Variants in ADAMTS10 observed in about 807,000 individuals in gnomAD.
ADAMTS10 encodes the protein ADAM metallopeptidase with thrombospondin type 1 motif 10, also known as A disintegrin and metalloproteinase with thrombospondin motifs 10.
A neutral mutation model predicts 135.9 loss-of-function variants in ADAMTS10; 48 were observed. That is an observed-to-expected ratio of 0.35 (90% CI 0.28 to 0.45). ADAMTS10 has a LOEUF of 0.45. ADAMTS10 is among the 20% of genes least tolerant of loss of function. The pLI is 1.00. For synonymous variants in ADAMTS10, 621 were observed against 647.5 expected, an observed-to-expected ratio of 0.96 and a Z score of 0.62; for missense variants, 1,131 against 1,565.2, an observed-to-expected ratio of 0.72 and a Z score of 4.68.
chr19:8,594,745 A>T (rs2042582698), intron 12 of ADAMTS10, among the ~76,000 whole-genome samples: 1 of 152,236 alleles, frequency 6.6e-6, no homozygotes, highest in Admixed American at 6.6e-5. Flanking sequence ...GCACATGCTT[A>T]GCCCATAGTG....
chr19:8,600,584 T>C lies in ADAMTS10; in HGVS notation c.810+344A>G, dbSNP rs182807049. Among the ~76,000 whole-genome samples, 1,267 of 150,666 alleles carry C rather than the reference T, an allele frequency of 8.4e-3. 18 individuals are homozygous for C. The highest frequency in any genetic ancestry group is 0.028 in the African/African-American group (1,148 of 41,036). On this transcript the variant is annotated intron_variant, in intron 6 of 25. Transcript: ENST00000597188. Reference sequence around the variant, plus strand: ...CGTGATCTTGGCTCACTGCAAGCTCTGCCTCCCAGGTTCACGCCATTCTCC... The same window carrying C: ...CGTGATCTTGGCTCACTGCAAGCTCCGCCTCCCAGGTTCACGCCATTCTCC...
chr19:8,600,646 C>G (rs1164467484), intron 6 of ADAMTS10, among the ~76,000 whole-genome samples: 1 of 151,802 alleles, frequency 6.6e-6, no homozygotes, highest in African/African-American at 2.4e-5. Context: ...CTACAGGCGC[C>G]CGCCACCACA....
chr19:8,589,323 C>T lies in ADAMTS10; in HGVS notation c.2077G>A (p.Asp693Asn). The T allele has an allele frequency of 6.2e-7, 1 of 1,612,598 alleles. No homozygotes were observed. Among genetic ancestry groups the T allele is most frequent in the South Asian group, 1.1e-5 (1 of 91,078 alleles). ...TCACCGCCACACACTCGGCACTTGTCCTCCCGCAGGTCGGAGCCCAGGACT... is the reference window on the plus strand; with the variant it reads ...TCACCGCCACACACTCGGCACTTGTTCTCCCGCAGGTCGGAGCCCAGGACT... The part of the protein sequence containing the change: ...DRVLGSDLRE[D>N]KCRVCGGDGS... Residue 693 changes from aspartate to asparagine, a missense_variant, in exon 18 of 26, where the codon GAC (aspartate) becomes AAC (asparagine). Asp to Asn is a conservative substitution (Grantham distance 23). Transcript: ENST00000597188.
intron 12 of ADAMTS10, 95 bp downstream of exon 12, chr19:8,595,667 C>G (rs542877031): frequency 3.8e-5 from 58 of 1,535,792 alleles, no homozygotes; most frequent in Admixed American, 3.4e-5. Context: ...CTCCCACCCC[C>G]TCACTTCCCA....
chr19:8,596,405 G>A lies in ADAMTS10; in HGVS notation c.1092C>T (p.Ala364=), dbSNP rs782379307. ...KNKPCGTLGL[A]PVGGMCERER... Reference sequence around the variant, plus strand: ...CGCGCTCACACATTCCGCCCACCGGGGCCAGGCCTGGGAAGACGGACATGT... The same window carrying A: ...CGCGCTCACACATTCCGCCCACCGGAGCCAGGCCTGGGAAGACGGACATGT... The change falls in exon 10 of 26, where the codon GCC becomes GCT. Residue 364 remains alanine (A), a synonymous_variant. Transcript: ENST00000597188. This position sits in a 1 kb window ranked among gnomAD's most constrained non-coding sequence, Gnocchi z 7.2. 1.2e-6 allele frequency: 2 copies of A among 1,613,606 alleles called. No homozygotes were observed. The highest frequency in any genetic ancestry group is 2.2e-5 in the South Asian group (2 of 91,032).
intron 25 of ADAMTS10, 90 bp from the exon 26 acceptor site, chr19:8,581,092 T>C (rs2042340024): frequency 1.6e-6 from 1 of 614,318 alleles, no homozygotes; most frequent in Non-Finnish European, 2.7e-6. Context: ...TCCTGGCCAG[T>C]GACTTTCTGT....
chr19:8,596,864 T>A lies in ADAMTS10; in HGVS notation c.1040+123A>T, dbSNP rs772426493. 3.8e-5 allele frequency: 56 copies of A among 1,490,092 alleles called. No individual in the cohort carries two copies. Among genetic ancestry groups the A allele is most frequent in the Non-Finnish European group, 4.9e-5 (53 of 1,090,314 alleles). 92.3% of individuals were successfully genotyped at this position (1,490,092 alleles called of 1,614,324 possible). On this transcript the variant is annotated intron_variant, in intron 8 of 25. Transcript: ENST00000597188. The surrounding 1 kb of genome is among the most constrained non-coding windows in gnomAD (Gnocchi z 7.2). ...CCCCTCCCCATCCCTGGCTCCCTCATGGGCAGCCCAAACTTCTCTGCTCCT... is the reference window on the plus strand; with the variant it reads ...CCCCTCCCCATCCCTGGCTCCCTCAAGGGCAGCCCAAACTTCTCTGCTCCT...
chr19:8,586,614 C>T lies in ADAMTS10; in HGVS notation c.2347G>A (p.Asp783Asn). The T allele has an allele frequency of 1.2e-6, 2 of 1,614,050 alleles. No homozygotes were observed. The highest frequency in any genetic ancestry group is 1.7e-6 in the Non-Finnish European group (2 of 1,180,004). ...AGGGCTTCGAGGCTCTGGACCTGGT[C>T]TGGCCCCTGTCGCAGTTGAAAGGTG... is the stretch of plus-strand genomic sequence containing the variant. ...GTTFQLRQGP[D>N]QVQSLEALGP... Residue 783 changes from aspartate (D) to asparagine (N), a missense_variant, in exon 20 of 26, where the codon GAC becomes AAC. This residue lies in a region of ADAMTS10 where 745 missense variants were observed against 1,056.3 expected (regional missense o/e 0.71). Transcript: ENST00000597188.
intron 23 of ADAMTS10, 71 bp downstream of exon 23, chr19:8,585,385 C>T: frequency 6.5e-7 from 1 of 1,535,600 alleles, no homozygotes; most frequent in Non-Finnish European, 8.7e-7. Flanking sequence ...AACCTGGAGA[C>T]CGCGCAGAGG....
At position 8,609,239 on chromosome 19, in the gene ADAMTS10, T is replaced by C. The variant is rs2042754987; in HGVS notation, c.-214-991A>G. On this transcript the variant is annotated intron_variant, in intron 1 of 25. Transcript: ENST00000597188. ...GCTTGTGAGTGTGTGTGACCCTGTG[T>C]GTGTGTGTGTGTGTGTGTGTACCCA... Among the ~76,000 whole-genome samples, 8 of 147,556 alleles carry C rather than the reference T, an allele frequency of 5.4e-5. No individual in the cohort carries two copies. The South Asian group carries it at 1.9e-3, about 34-fold the overall frequency.
At position 8,608,216 on chromosome 19, in the gene ADAMTS10, C is replaced by T. The variant is rs1291245298; in HGVS notation, c.-182G>A. 1 of 152,586 alleles carries T rather than the reference C, an allele frequency of 6.6e-6. No homozygotes were observed. Among genetic ancestry groups the T allele is most frequent in the Non-Finnish European group, 1.5e-5 (1 of 68,460 alleles). 9.5% of individuals were successfully genotyped at this position (152,586 alleles called of 1,614,324 possible). On this transcript the variant is annotated 5_prime_UTR_variant, in exon 2 of 26. Coordinates refer to ENST00000597188, the MANE Select transcript of ADAMTS10 (RefSeq NM_030957.4). ...GCCTGCTCCCTGCACCTGGGCCTCC[C>T]TCTCTGGGCCTTGGTTTCTTCTTCT...
At position 8,596,245 on chromosome 19, in the gene ADAMTS10, C is replaced by T. The variant is rs377509064; in HGVS notation, c.1191-26G>A. The T allele has an allele frequency of 2.3e-4, 369 of 1,613,100 alleles. No individual in the cohort carries two copies. Among genetic ancestry groups the T allele is most frequent in the Non-Finnish European group, 3.0e-4 (356 of 1,180,036 alleles). On this transcript the variant is annotated intron_variant, in intron 10 of 25. Coordinates refer to ENST00000597188, the MANE Select transcript of ADAMTS10 (RefSeq NM_030957.4). The surrounding 1 kb of genome is among the most constrained non-coding windows in gnomAD (Gnocchi z 7.2). ...CTGGGGAAAGGGGTGTCGGCTCTGC[C>T]GGGCGCTGAGGGACCCGCCCAGCTC...
intron 12 of ADAMTS10, chr19:8,593,179 G>C (rs1175731717): frequency 2.2e-5 from 10 of 461,780 alleles, no homozygotes; most frequent in Non-Finnish European, 4.0e-5. Context: ...GCTACTAAGG[G>C]AATAGCCTGG....
At chr19:8,592,351 T>G in intron 13 of ADAMTS10, 1 of 726,282 alleles carries the variant, frequency 1.4e-6, no homozygotes, top group South Asian at 1.9e-5. Context: ...AGGACCACGA[T>G]AAGCGTGGAG....
At chr19:8,595,299 T>A (rs1387201102) in intron 12 of ADAMTS10, among the ~76,000 whole-genome samples, 2 of 151,312 alleles carry the variant, frequency 1.3e-5, no homozygotes, top group East Asian at 3.9e-4. Context: ...TGGGGAGAGG[T>A]CAGGAGGCTC....
chr19:8,595,974 G>T, intron 11 of ADAMTS10, 71 bp from the exon 12 acceptor site: 3 of 1,613,830 alleles, frequency 1.9e-6, no homozygotes, highest in Non-Finnish European at 2.5e-6. Flanking sequence ...TCAGCTGGAT[G>T]GGGGTCCCAG....
intron 12 of ADAMTS10, among the ~76,000 whole-genome samples, chr19:8,594,170 G>A (rs373667306): frequency 1.1e-4 from 17 of 152,252 alleles, no homozygotes; most frequent in South Asian, 1.0e-3. Context: ...TCTCCACAAG[G>A]AGGCACTGTG....
intron 1 of ADAMTS10, among the ~76,000 whole-genome samples, chr19:8,608,835 C>T (rs1270745882): frequency 6.6e-6 from 1 of 151,888 alleles, no homozygotes; most frequent in East Asian, 1.9e-4. Flanking sequence ...AGGTTTGGGA[C>T]ATTGTGGAAG....
At position 8,591,963 on chromosome 19, in the gene ADAMTS10, G is replaced by T; in HGVS notation, c.1728C>A (p.Ser576Arg). 1 of 1,613,334 alleles carries T rather than the reference G, an allele frequency of 6.2e-7. No individual in the cohort carries two copies. The highest frequency in any genetic ancestry group is 8.5e-7 in the Non-Finnish European group (1 of 1,179,812). ...TGGGGGTCCTGAGGGCTGACCTGGG[G>T]CTGTCGCAGTGACGGCTAGAAGAGG... The part of the protein sequence containing the change: ...GVSSSSRHCD[S>R]PRPTIGGKYC... Residue 576 changes from serine to arginine, a missense_variant, in exon 14 of 26, where the codon AGC (serine) becomes AGA (arginine). Ser to Arg is a moderately radical substitution (Grantham distance 110). This residue lies in a region of ADAMTS10 where 745 missense variants were observed against 1,056.3 expected (regional missense o/e 0.71). Transcript: ENST00000597188.
Sources: gnomAD v4.1 joint callset for allele counts (sites outside exome capture counted in the v4.1 genomes callset) on GRCh38, gnomAD v4.1.1 for gene constraint, gnomAD v4.1.1 regional missense constraint, Gnocchi (gnomAD v3.1) non-coding constraint, MANE v1.5 for transcripts, NCBI Gene and HGNC (gene_info 2026-07-23, HGNC 2026-07-21) for gene names.